Variants in FANK1 observed in about 807,000 individuals in gnomAD.
FANK1 encodes fibronectin type 3 and ankyrin repeat domains protein 1.
In FANK1, 44 loss-of-function variants were observed where a neutral mutation model predicts 45.3. The observed-to-expected ratio is 0.97, with a 90% CI of 0.76 to 1.25. The LOEUF (loss-of-function observed/expected upper bound fraction) is 1.25. Among genes scored for constraint, FANK1 ranks in the 50% most tolerant of loss-of-function variants. The probability of loss-of-function intolerance (pLI) is 0.00; values close to 1 mark genes in which losing one functional copy is unlikely to be tolerated. For missense variants in FANK1, 391 were observed against 424.4 expected, an observed-to-expected ratio of 0.92 and a Z score of 0.69; for synonymous variants, 149 against 152.5, an observed-to-expected ratio of 0.98 and a Z score of 0.17.
At chr10:125,938,832 A>T (rs1219292917) in intron 1 of FANK1, among the ~76,000 whole-genome samples, 1 of 151,894 alleles carries the variant, frequency 6.6e-6, no homozygotes, top group African/African-American at 2.4e-5. Context: ...CCCTGCCAAA[A>T]CTCTAGGGAG....
At chr10:126,006,737 G>A (rs1024428312) in intron 7 of FANK1, among the ~76,000 whole-genome samples, 6 of 152,194 alleles carry the variant, frequency 3.9e-5, no homozygotes, top group Admixed American at 3.3e-4. Context: ...GTGGGCACCT[G>A]TAATCCCAGC....
intron 2 of FANK1, 128 bp downstream of exon 2, chr10:125,980,466 G>A: frequency 9.1e-7 from 1 of 1,095,582 alleles, no homozygotes; most frequent in Non-Finnish European, 1.3e-6. Flanking sequence ...TTGTATTCAT[G>A]CTCTTTTATG....
chr10:125,932,886 C>G (rs1367531780), intron 1 of FANK1, among the ~76,000 whole-genome samples: 1 of 152,080 alleles, frequency 6.6e-6, no homozygotes, highest in Non-Finnish European at 1.5e-5. Context: ...CCTTGTGTAC[C>G]ATGTTTGCTG....
intron 1 of FANK1, among the ~76,000 whole-genome samples, chr10:125,959,430 A>AAAAT (rs1245682356): frequency 6.6e-6 from 1 of 151,446 alleles, no homozygotes; most frequent in Non-Finnish European, 1.5e-5. Context: ...AAAAAAAAAA[A>AAAAT]AAAGATACGA....
Position 125,983,163 on chromosome 10 carries a change from TGTTCA to T in FANK1, c.191+2829_191+2833del, listed in dbSNP as rs567217457. Among the ~76,000 whole-genome samples the T allele has an allele frequency of 1.9e-3, 285 of 152,324 alleles. 1 individual carries two copies. The highest frequency in any genetic ancestry group is 6.6e-3 in the African/African-American group (275 of 41,574). On this transcript the variant is annotated intron_variant, in intron 2 of 10. Transcript: ENST00000368693. This position sits in a 1 kb window ranked among gnomAD's most constrained non-coding sequence, Gnocchi z 4.3. The stretch of plus-strand genomic sequence containing the variant: ...TATGCCTTGACGTTTTCTGCATGTG[TGTTCA>T]GTTGTTTTCCCTGTTTGGACAGATT...
At chr10:125,950,363 C>G (rs967443379) in intron 1 of FANK1, among the ~76,000 whole-genome samples, 7 of 147,902 alleles carry the variant, frequency 4.7e-5, no homozygotes, top group Admixed American at 1.3e-4. Flanking sequence ...TCGCAACCTA[C>G]TCATCTGACA....
intron 1 of FANK1, among the ~76,000 whole-genome samples, chr10:125,977,583 G>A (rs1448747409): frequency 6.6e-6 from 1 of 152,152 alleles, no homozygotes; most frequent in African/African-American, 2.4e-5. Context: ...TGATCTCAGT[G>A]TTTATGTTCC....
intron 1 of FANK1, among the ~76,000 whole-genome samples, chr10:125,945,825 T>A (rs1355895072): frequency 6.6e-6 from 1 of 152,186 alleles, no homozygotes; most frequent in Admixed American, 6.5e-5. Context: ...AAGACAGCAG[T>A]AACCTCTGCA....
At chr10:125,934,739 T>G (rs1179503752) in intron 1 of FANK1, among the ~76,000 whole-genome samples, 4 of 131,468 alleles carry the variant, frequency 3.0e-5, no homozygotes, top group South Asian at 5.5e-4. Context: ...TTTTTTTTTT[T>G]TTTTTTTTTT....
intron 1 of FANK1, among the ~76,000 whole-genome samples, chr10:125,941,356 T>TA (rs1476094294): frequency 6.6e-6 from 1 of 152,110 alleles, no homozygotes; most frequent in African/African-American, 2.4e-5. Flanking sequence ...AACAGGGAAA[T>TA]AAGACCATCG....
At chr10:125,914,634 G>A (rs1445810138) in intron 1 of FANK1, among the ~76,000 whole-genome samples, 2 of 152,130 alleles carry the variant, frequency 1.3e-5, no homozygotes, top group Non-Finnish European at 2.9e-5. Context: ...AGATGATGTT[G>A]AACTTTGAAA....
intron 7 of FANK1, among the ~76,000 whole-genome samples, chr10:126,006,059 T>C (rs184396490): frequency 1.5e-3 from 229 of 152,342 alleles, no homozygotes; most frequent in African/African-American, 5.3e-3. Flanking sequence ...TTGAAGAAAT[T>C]AGCTAAAAAT....
At chr10:125,965,212 T>C (rs1950142154) in intron 1 of FANK1, among the ~76,000 whole-genome samples, 1 of 152,230 alleles carries the variant, frequency 6.6e-6, no homozygotes, top group South Asian at 2.1e-4. Context: ...GTCATCATTG[T>C]AATTGCATCA....
chr10:125,927,554 C>CTT (rs1235519645), intron 1 of FANK1, among the ~76,000 whole-genome samples: 1 of 147,376 alleles, frequency 6.8e-6, no homozygotes, highest in Non-Finnish European at 1.5e-5. Context: ...CCATTATAAA[C>CTT]TTTTTTTTTT....
At chr10:125,994,065 A>T (rs778415014) in intron 3 of FANK1, among the ~76,000 whole-genome samples, 1 of 152,046 alleles carries the variant, frequency 6.6e-6, no homozygotes, top group African/African-American at 2.4e-5. Flanking sequence ...ATTTTCTACC[A>T]TAAGGAGCAG....
At chr10:125,913,191 T>G (rs1589820168) in intron 1 of FANK1, among the ~76,000 whole-genome samples, 1 of 152,270 alleles carries the variant, frequency 6.6e-6, no homozygotes, top group Middle Eastern at 3.4e-3. Flanking sequence ...GCCCAACAGG[T>G]GATTCTAAAG....
At chr10:126,009,004 T>C in intron 8 of FANK1, 50 bp from the exon 9 acceptor site, 1 of 1,570,478 alleles carries the variant, frequency 6.4e-7, no homozygotes, top group Non-Finnish European at 8.7e-7. Flanking sequence ...CTGCTGTGTG[T>C]GCCCTGGAGG....
intron 1 of FANK1, among the ~76,000 whole-genome samples, chr10:125,945,268 C>G (rs961301467): frequency 1.4e-4 from 22 of 152,292 alleles, no homozygotes; most frequent in Admixed American, 3.9e-4. Flanking sequence ...CGAATAGGAA[C>G]AGCTCCGGTC....
At chr10:125,967,956 A>G (rs538707246) in intron 1 of FANK1, among the ~76,000 whole-genome samples, 2 of 152,244 alleles carry the variant, frequency 1.3e-5, no homozygotes, top group Non-Finnish European at 2.9e-5. Flanking sequence ...TGTAATATAC[A>G]GTGTAATGCT....
Sources: allele counts gnomAD v4.1 joint callset (sites outside exome capture counted in the v4.1 genomes callset), GRCh38; gene constraint gnomAD v4.1.1; non-coding constraint Gnocchi (gnomAD v3.1); transcripts MANE v1.5; gene names NCBI Gene and HGNC (gene_info 2026-07-23, HGNC 2026-07-21).